Variants in INPP4B observed in about 807,000 individuals in gnomAD.
The protein encoded by INPP4B is inositol polyphosphate 4-phosphatase type II.
INPP4B carries 55 observed loss-of-function variants against 122.5 expected under a neutral mutation model. The ratio of observed to expected loss-of-function variants is 0.45; its 90% CI spans 0.36 to 0.56. INPP4B has a LOEUF of 0.56. Ranked by LOEUF, INPP4B falls within the 20% of genes least tolerant of loss-of-function variation. INPP4B has a pLI of 0.00. For synonymous variants in INPP4B, 403 were observed against 388.7 expected (o/e 1.04, Z -0.43); for missense variants, 1,000 against 1,097.7 (o/e 0.91, Z 1.26).
At chr4:142,655,765 C>G (rs1029251396) in intron 2 of INPP4B, among the ~76,000 whole-genome samples, 1 of 152,074 alleles carries the variant, frequency 6.6e-6, no homozygotes, top group African/African-American at 2.4e-5. Context: ...CTTTTAAAGT[C>G]CATTTAAAGT....
At chr4:142,179,853 C>A (rs4956318) in intron 15 of INPP4B, among the ~76,000 whole-genome samples, 1,864 of 152,116 alleles carry the variant, frequency 0.012, 44 homozygotes, top group African/African-American at 0.043. Context: ...GCTTTGATTT[C>A]GTTTGCCACC....
chr4:142,127,931 C>A (rs531186838), intron 18 of INPP4B, among the ~76,000 whole-genome samples: 4 of 152,070 alleles, frequency 2.6e-5, no homozygotes, highest in Non-Finnish European at 4.4e-5. Context: ...CTACGACAGG[C>A]CAAAGCAAAG....
At chr4:142,530,756 G>T (rs557691124) in intron 2 of INPP4B, among the ~76,000 whole-genome samples, 1 of 152,116 alleles carries the variant, frequency 6.6e-6, no homozygotes, top group Admixed American at 6.6e-5. Flanking sequence ...AAAATATCTG[G>T]AGGAAGTACA....
At chr4:142,091,344 C>G (rs1371717864) in intron 23 of INPP4B, among the ~76,000 whole-genome samples, 3 of 152,140 alleles carry the variant, frequency 2.0e-5, no homozygotes, top group Non-Finnish European at 4.4e-5. Context: ...AACCCTCTGT[C>G]CCTATTTCCT....
At chr4:142,216,447 A>G (rs1847295252) in intron 12 of INPP4B, among the ~76,000 whole-genome samples, 1 of 152,236 alleles carries the variant, frequency 6.6e-6, no homozygotes, top group Non-Finnish European at 1.5e-5. Flanking sequence ...ATACAAAACA[A>G]ATCTCCAAAG....
At chr4:142,063,480 T>G (rs1762028116) in intron 25 of INPP4B, among the ~76,000 whole-genome samples, 1 of 152,236 alleles carries the variant, frequency 6.6e-6, no homozygotes, top group Admixed American at 6.5e-5. Context: ...TTGACTGTGA[T>G]AAATTAAATT....
intron 12 of INPP4B, among the ~76,000 whole-genome samples, chr4:142,215,892 CAAAAAAAAAAAAAAAAAAAAAA>C (rs200657873): frequency 9.5e-4 from 52 of 54,570 alleles, no homozygotes; most frequent in East Asian, 1.9e-3. Flanking sequence ...GACTCTGTCT[CAAAAAAAAAAAAAAAAAAAAAA>C]AAAAAAAAAA....
At chr4:142,629,243 A>G (rs548662960) in intron 2 of INPP4B, among the ~76,000 whole-genome samples, 1 of 152,196 alleles carries the variant, frequency 6.6e-6, no homozygotes, top group South Asian at 2.1e-4. Context: ...CATTGAGCTG[A>G]GCATGAATTC....
chr4:142,786,232 T>C (rs1363709019), intron 1 of INPP4B, among the ~76,000 whole-genome samples: 4 of 152,098 alleles, frequency 2.6e-5, no homozygotes, highest in African/African-American at 9.7e-5. Context: ...CTAGAGCCTC[T>C]TGTAGTCCAA....
chr4:142,326,944 A>G (rs1329691517), intron 7 of INPP4B, among the ~76,000 whole-genome samples: 2 of 152,184 alleles, frequency 1.3e-5, no homozygotes. Context: ...AATTGCAGAC[A>G]TTAAACAGTC....
intron 9 of INPP4B, among the ~76,000 whole-genome samples, chr4:142,292,586 C>A (rs1436871327): frequency 6.6e-6 from 1 of 152,106 alleles, no homozygotes; most frequent in African/African-American, 2.4e-5. Context: ...TAAATCCTTT[C>A]CCTGAGAGAG....
At chr4:142,384,245 T>C in intron 7 of INPP4B, 3 of 640,374 alleles carry the variant, frequency 4.7e-6, no homozygotes, top group Non-Finnish European at 8.5e-6. Flanking sequence ...ACTCAATTAG[T>C]TAGTAACAAC....
chr4:142,713,192 A>T (rs1320439807), intron 2 of INPP4B, among the ~76,000 whole-genome samples: 1 of 152,252 alleles, frequency 6.6e-6, no homozygotes, highest in Non-Finnish European at 1.5e-5. Context: ...TTAACAGGGT[A>T]GATGATGGTC....
chr4:142,483,717 G>A lies in INPP4B; in HGVS notation c.-190-20991C>T, dbSNP rs78950926. 7.2e-3 allele frequency among the ~76,000 whole-genome samples: 1,091 copies of A among 152,100 alleles called. 16 individuals carry two copies. Among genetic ancestry groups the A allele is most frequent in the African/African-American group, 0.025 (1,033 of 41,500 alleles). ...TATTGAATTCAAAAATACTCACTGG[G>A]GATTATCAGAAATTCTTACAAAGGG... On this transcript the variant is annotated intron_variant, in intron 2 of 25. Transcript: ENST00000262992.
intron 16 of INPP4B, among the ~76,000 whole-genome samples, chr4:142,170,813 A>C (rs1429669622): frequency 6.6e-6 from 1 of 151,780 alleles, no homozygotes; most frequent in Non-Finnish European, 1.5e-5. Flanking sequence ...TCTGTTGAGC[A>C]CAGTGACTGT....
At chr4:142,681,582 T>C (rs1758622269) in intron 2 of INPP4B, among the ~76,000 whole-genome samples, 1 of 151,132 alleles carries the variant, frequency 6.6e-6, no homozygotes. Flanking sequence ...AGAGAGAGCA[T>C]GATAGAAGAG....
intron 2 of INPP4B, among the ~76,000 whole-genome samples, chr4:142,689,869 C>G (rs1289425978): frequency 6.6e-6 from 1 of 152,160 alleles, no homozygotes; most frequent in Non-Finnish European, 1.5e-5. Flanking sequence ...TCCTATAAAA[C>G]TAAGTTCTCA....
chr4:142,202,754 C>T (rs933860660), intron 14 of INPP4B: 6 of 985,172 alleles, frequency 6.1e-6, no homozygotes, highest in Non-Finnish European at 7.2e-6. Flanking sequence ...TTGCGGAATC[C>T]CACTTGAGAT....
chr4:142,030,072 C>T lies in INPP4B; in HGVS notation c.2643-1158G>A, dbSNP rs201028603. 3.5e-6 allele frequency: 5 copies of T among 1,443,984 alleles called. No individual in the cohort carries two copies. The East Asian group carries it at 1.0e-4, about 29-fold the overall frequency. 89.4% of individuals were successfully genotyped at this position (1,443,984 alleles called of 1,614,324 possible). On this transcript the variant is annotated intron_variant, in intron 25 of 25. Transcript: ENST00000262992. ...TGTAAAAATATTACAGCATTGTCCCCATAATTTAAAGTTCATTGTCATTTG... is the reference window on the plus strand; with the variant it reads ...TGTAAAAATATTACAGCATTGTCCCTATAATTTAAAGTTCATTGTCATTTG...
Sources: gnomAD v4.1 joint callset for allele counts (sites outside exome capture counted in the v4.1 genomes callset) on GRCh38, gnomAD v4.1.1 for gene constraint, MANE v1.5 for transcripts, NCBI Gene and HGNC (gene_info 2026-07-23, HGNC 2026-07-21) for gene names.